The following PRKCQ variants were observed in gnomAD, a reference collection of about 807,000 sequenced individuals.
PRKCQ encodes protein kinase C theta, also known as protein kinase C theta type.
In PRKCQ, 41 loss-of-function variants were observed where a neutral mutation model predicts 91.2. That is an observed-to-expected ratio of 0.45 (90% CI 0.35 to 0.58). The LOEUF (loss-of-function observed/expected upper bound fraction) is 0.58. Among genes scored for constraint, PRKCQ ranks in the 20% least tolerant of loss-of-function variants. The pLI, the probability that PRKCQ is intolerant of heterozygous loss-of-function variation, is 0.00. For missense variants in PRKCQ, 673 were observed against 896.5 expected, an observed-to-expected ratio of 0.75 and a Z score of 3.18; for synonymous variants, 307 against 316.9, an observed-to-expected ratio of 0.97 and a Z score of 0.33.
intron 4 of PRKCQ, among the ~76,000 whole-genome samples, chr10:6,506,962 G>A (rs139742758): frequency 1.3e-5 from 2 of 152,106 alleles, no homozygotes; most frequent in South Asian, 4.1e-4. Context: ...ACCTTTTCTT[G>A]TTCCTAAAAG....
chr10:6,571,525 G>A (rs1841045189), intron 1 of PRKCQ, among the ~76,000 whole-genome samples: 1 of 152,144 alleles, frequency 6.6e-6, no homozygotes, highest in African/African-American at 2.4e-5. Context: ...ATCTTCCCTT[G>A]ATAGGTGGGG....
At chr10:6,494,615 G>T (rs1014151464) in intron 7 of PRKCQ, among the ~76,000 whole-genome samples, 1 of 152,134 alleles carries the variant, frequency 6.6e-6, no homozygotes, top group Admixed American at 6.6e-5. Flanking sequence ...TCTGGTTTCT[G>T]TAACTTCATA....
intron 1 of PRKCQ, among the ~76,000 whole-genome samples, chr10:6,579,638 C>G (rs774100700): frequency 8.2e-6 from 1 of 122,498 alleles, no homozygotes; most frequent in Non-Finnish European, 1.7e-5. Context: ...GGAATGAGCA[C>G]GCAGATTTTT....
chr10:6,418,402 C>T, the PRKCQ span, among the ~76,000 whole-genome samples: 3 of 152,174 alleles, frequency 2.0e-5, no homozygotes, highest in South Asian at 4.1e-4. Context: ...CCGGCTCTGA[C>T]GTCCCCAGGA....
intron 1 of PRKCQ, among the ~76,000 whole-genome samples, chr10:6,527,786 T>C (rs142620295): frequency 6.6e-6 from 1 of 152,250 alleles, no homozygotes; most frequent in Non-Finnish European, 1.5e-5. Context: ...GGAAATTCCT[T>C]TCTGGCCCCT....
At chr10:6,455,963 C>T (rs1231998881) in intron 15 of PRKCQ, among the ~76,000 whole-genome samples, 1 of 152,110 alleles carries the variant, frequency 6.6e-6, no homozygotes, top group East Asian at 1.9e-4. Context: ...GAAAAAGCAA[C>T]CAGAACAAGT....
At chr10:6,547,021 C>T (rs1331559682) in intron 1 of PRKCQ, among the ~76,000 whole-genome samples, 5 of 152,208 alleles carry the variant, frequency 3.3e-5, no homozygotes, top group Middle Eastern at 3.4e-3. Context: ...TCTGTTTATA[C>T]GCTGGATTAC....
In PRKCQ at chr10:6,563,541, C is replaced by T. The variant is rs1185204396; in HGVS notation, c.-10+16670G>A. Among the ~76,000 whole-genome samples, 6 of 152,122 alleles carry T rather than the reference C, an allele frequency of 3.9e-5. 1 individual carries two copies. Among genetic ancestry groups the T allele is most frequent in the East Asian group, 3.9e-4 (2 of 5,180 alleles). The stretch of plus-strand genomic sequence containing the variant: ...TTCTGCTTTACTTTCTATGCTTGTT[C>T]GCGTCTCTTGACTACCTAGAGTGCT... On this transcript the variant is annotated intron_variant, in intron 1 of 17. Transcript: ENST00000263125.
chr10:6,410,998 G>C, the PRKCQ span, among the ~76,000 whole-genome samples: 1 of 122,760 alleles, frequency 8.1e-6, no homozygotes. Flanking sequence ...AAAAAAAAAA[G>C]GTCCATTCCA....
chr10:6,405,726 C>T, the PRKCQ span, among the ~76,000 whole-genome samples: 1 of 152,164 alleles, frequency 6.6e-6, no homozygotes, highest in African/African-American at 2.4e-5. Flanking sequence ...TGGACTGTCG[C>T]ATGATTCTAG....
At chr10:6,406,040 G>T in the PRKCQ span, among the ~76,000 whole-genome samples, 3 of 152,190 alleles carry the variant, frequency 2.0e-5, no homozygotes, top group Non-Finnish European at 4.4e-5. Context: ...TTTGTTTTGG[G>T]CCTTTGTTGC....
At chr10:6,490,977 T>C (rs1837265218) in intron 8 of PRKCQ, among the ~76,000 whole-genome samples, 2 of 152,124 alleles carry the variant, frequency 1.3e-5, no homozygotes. Flanking sequence ...CTTGGAGTTG[T>C]ACAGCAAGAA....
chr10:6,418,544 T>A, the PRKCQ span, among the ~76,000 whole-genome samples: 140,033 of 152,160 alleles, frequency 0.92, 64,567 homozygotes, highest in Non-Finnish European at 0.94. Flanking sequence ...AGACTTTCCC[T>A]ATCCTCACCC....
chr10:6,536,238 T>TACCA (rs962493740), intron 1 of PRKCQ, among the ~76,000 whole-genome samples: 4 of 152,168 alleles, frequency 2.6e-5, no homozygotes, highest in African/African-American at 9.7e-5. Flanking sequence ...TCCTTCAATG[T>TACCA]CCCTTTGCTG....
At chr10:6,448,400 G>C (rs1039621196) in intron 15 of PRKCQ, among the ~76,000 whole-genome samples, 1 of 146,414 alleles carries the variant, frequency 6.8e-6, no homozygotes, top group African/African-American at 2.5e-5. Context: ...GCCTGGCCAG[G>C]GAAGGTAGCA....
At chr10:6,408,667 C>A in the PRKCQ span, among the ~76,000 whole-genome samples, 2 of 152,178 alleles carry the variant, frequency 1.3e-5, no homozygotes, top group Non-Finnish European at 2.9e-5. Flanking sequence ...GGCAAGACTG[C>A]TTTAGAGAGA....
At chr10:6,477,531 G>A (rs533086244) in intron 12 of PRKCQ, among the ~76,000 whole-genome samples, 3 of 152,288 alleles carry the variant, frequency 2.0e-5, no homozygotes, top group Non-Finnish European at 2.9e-5. Flanking sequence ...CTCCTTAGAA[G>A]TTTTCCCTCA....
At chr10:6,529,116 C>T (rs2130895680) in intron 1 of PRKCQ, among the ~76,000 whole-genome samples, 1 of 152,278 alleles carries the variant, frequency 6.6e-6, no homozygotes, top group African/African-American at 2.4e-5. Flanking sequence ...AAGCTTCTGC[C>T]ATTCATGCCT....
In PRKCQ at chr10:6,517,507, C is replaced by T. The variant is rs190906040; in HGVS notation, c.-9-2363G>A. On this transcript the variant is annotated intron_variant, in intron 1 of 17. Transcript: ENST00000263125. ...CTATTGACAGTAGCTCTACGATCTG[C>T]GTTACTAAAGTCTGTAGCTACATAT... Among the ~76,000 whole-genome samples, 20 of 145,360 alleles carry T rather than the reference C, an allele frequency of 1.4e-4. No individual in the cohort carries two copies. In the East Asian group the frequency reaches 3.9e-3, roughly 28 times the overall value.
Sources: allele counts gnomAD v4.1 joint callset (sites outside exome capture counted in the v4.1 genomes callset), GRCh38; gene constraint gnomAD v4.1.1; transcripts MANE v1.5; gene names NCBI Gene and HGNC (gene_info 2026-07-23, HGNC 2026-07-21).